The following FRMD4B variants were observed in gnomAD, a reference collection of about 807,000 sequenced individuals.
The protein encoded by FRMD4B is FERM domain-containing protein 4B.
A neutral mutation model predicts 141.5 loss-of-function variants in FRMD4B; 74 were observed. The ratio of observed to expected loss-of-function variants is 0.52; its 90% CI spans 0.43 to 0.63. FRMD4B has a LOEUF of 0.63. Ranked by LOEUF, FRMD4B falls within the 30% of genes least tolerant of loss-of-function variation. FRMD4B has a pLI of 0.00. For synonymous variants in FRMD4B, 506 were observed against 467.9 expected (o/e 1.08, Z -1.05); for missense variants, 1,366 against 1,253.4 (o/e 1.09, Z -1.36).
rs541259572 is a variant in FRMD4B, at chr3:69,211,023, GAAAAAAAAA to G, written c.876+5231_876+5239del. 4.7e-5 allele frequency among the ~76,000 whole-genome samples: 4 copies of G among 85,836 alleles called. No individual in the cohort carries two copies. The Admixed American group carries it at 6.9e-4, about 15-fold the overall frequency. 56.3% of individuals were successfully genotyped at this position (85,836 alleles called of 152,430 possible). A position where few individuals can be genotyped will look rare whatever the true frequency, so the allele number is the denominator to read the frequency against. ...ACAAGAGTGAGTGAAATGCCATCTC[GAAAAAAAAA>G]AAAAAAAAGAAAGAAAATTTGAGAG... On this transcript the variant is annotated intron_variant, in intron 11 of 22. Coordinates refer to ENST00000398540, the MANE Select transcript of FRMD4B (RefSeq NM_015123.3).
chr3:69,179,465 T>C (rs186244532), intron 21 of FRMD4B, among the ~76,000 whole-genome samples: 78 of 152,276 alleles, frequency 5.1e-4, no homozygotes, highest in African/African-American at 1.6e-3. Context: ...GTCAGAGCCA[T>C]AAATAAGAAA....
chr3:69,431,387 G>C (rs1016705752), intron 2 of FRMD4B, among the ~76,000 whole-genome samples: 23 of 152,152 alleles, frequency 1.5e-4, no homozygotes, highest in African/African-American at 5.3e-4. Flanking sequence ...TGCTTGAACA[G>C]TACAAATATG....
chr3:69,511,954 G>C (rs900243150), intron 1 of FRMD4B, among the ~76,000 whole-genome samples: 2 of 152,120 alleles, frequency 1.3e-5, no homozygotes, highest in Non-Finnish European at 2.9e-5. Flanking sequence ...TCCTGGAGGG[G>C]GCAATAAATG....
At chr3:69,540,638 T>A (rs57166370) in intron 1 of FRMD4B, among the ~76,000 whole-genome samples, 5,483 of 48,590 alleles carry the variant, frequency 0.11, 287 homozygotes, top group Non-Finnish European at 0.13. Context: ...AAAAAAAAAA[T>A]ATATATATAT....
At chr3:69,421,806 C>A (rs962056417) in intron 2 of FRMD4B, among the ~76,000 whole-genome samples, 3 of 152,126 alleles carry the variant, frequency 2.0e-5, no homozygotes, top group Non-Finnish European at 4.4e-5. Flanking sequence ...CTTGGATAGC[C>A]CTGGCCTAAG....
intron 1 of FRMD4B, among the ~76,000 whole-genome samples, chr3:69,471,057 T>C (rs910531317): frequency 2.6e-5 from 4 of 152,186 alleles, no homozygotes; most frequent in African/African-American, 7.2e-5. Context: ...TGTTAAGAAA[T>C]TGCCCATGGC....
chr3:69,374,701 T>A (rs558408167), intron 1 of FRMD4B, among the ~76,000 whole-genome samples: 83 of 152,224 alleles, frequency 5.5e-4, no homozygotes, highest in Non-Finnish European at 1.1e-3. Context: ...GCATGTTTGC[T>A]TTTCTAGTAT....
intron 22 of FRMD4B, among the ~76,000 whole-genome samples, chr3:69,174,821 G>A (rs1046488799): frequency 6.6e-6 from 1 of 152,052 alleles, no homozygotes; most frequent in South Asian, 2.1e-4. Flanking sequence ...ACACAAACAC[G>A]AAAATAATTT....
intron 2 of FRMD4B, among the ~76,000 whole-genome samples, chr3:69,430,284 C>T (rs1177405014): frequency 6.6e-6 from 1 of 152,180 alleles, no homozygotes. Context: ...CAATCCAGCA[C>T]CTCAAGGGTA....
At chr3:69,230,271 C>T (rs904376980) in intron 7 of FRMD4B, among the ~76,000 whole-genome samples, 6 of 152,022 alleles carry the variant, frequency 3.9e-5, no homozygotes, top group Non-Finnish European at 7.4e-5. Flanking sequence ...CCACCTCGTC[C>T]GGCGACTATC....
chr3:69,369,621 C>T (rs1703769039), intron 1 of FRMD4B, among the ~76,000 whole-genome samples: 1 of 152,126 alleles, frequency 6.6e-6, no homozygotes, highest in African/African-American at 2.4e-5. Flanking sequence ...AAAAAAATCT[C>T]ATTCCCAAAA....
intron 1 of FRMD4B, among the ~76,000 whole-genome samples, chr3:69,358,765 G>T (rs1251232422): frequency 6.6e-6 from 1 of 152,118 alleles, no homozygotes; most frequent in Non-Finnish European, 1.5e-5. Flanking sequence ...AACAAAAAAA[G>T]AAGTGGGACC....
chr3:69,429,033 A>G (rs1705132171), intron 2 of FRMD4B, among the ~76,000 whole-genome samples: 1 of 152,194 alleles, frequency 6.6e-6, no homozygotes, highest in South Asian at 2.1e-4. Flanking sequence ...ATTTCATAAT[A>G]CACACCATTT....
intron 5 of FRMD4B, among the ~76,000 whole-genome samples, chr3:69,274,445 G>C (rs950784526): frequency 3.3e-5 from 5 of 152,144 alleles, no homozygotes; most frequent in Admixed American, 2.6e-4. Flanking sequence ...AGGGGAGATG[G>C]CTAAGTCTTG....
Position 69,311,375 on chromosome 3 carries a change from T to C in FRMD4B, c.229-18A>G. 8 of 1,405,834 alleles carry C rather than the reference T, an allele frequency of 5.7e-6. No individual in the cohort carries two copies. The highest frequency in any genetic ancestry group is 7.0e-6 in the Non-Finnish European group (7 of 994,340). The allele number at this position is 1,405,834 out of a possible 1,614,324, so 87.1% of individuals were successfully genotyped here. On this transcript the variant is annotated intron_variant, in intron 2 of 22. Coordinates refer to ENST00000398540, the MANE Select transcript of FRMD4B (RefSeq NM_015123.3). The stretch of plus-strand genomic sequence containing the variant: ...AGTTTGGGCTGTCAAAATAAAAATC[T>C]GGTTAGAAGCAATTTGGTTGCCTCT...
At chr3:69,224,504 T>G in intron 8 of FRMD4B, 103 bp downstream of exon 8, 1 of 704,142 alleles carries the variant, frequency 1.4e-6, no homozygotes, top group Non-Finnish European at 2.6e-6. Flanking sequence ...TGATTGGCAA[T>G]GTGATATTTT....
intron 1 of FRMD4B, among the ~76,000 whole-genome samples, chr3:69,382,953 C>A (rs976180929): frequency 6.6e-6 from 1 of 152,064 alleles, no homozygotes; most frequent in South Asian, 2.1e-4. Context: ...TGACAAAAGT[C>A]ATTTCTTTTT....
intron 7 of FRMD4B, among the ~76,000 whole-genome samples, chr3:69,248,868 C>T (rs753061805): frequency 6.6e-6 from 1 of 152,232 alleles, no homozygotes; most frequent in Non-Finnish European, 1.5e-5. Context: ...TCTTTTTGTG[C>T]ATACATTATA....
chr3:69,482,265 A>AAAT (rs36112899), intron 1 of FRMD4B, among the ~76,000 whole-genome samples: 3,802 of 152,258 alleles, frequency 0.025, 177 homozygotes, highest in African/African-American at 0.086. Flanking sequence ...AGTATTTAAA[A>AAAT]AATAACCCTA....
Sources: gnomAD v4.1 joint callset for allele counts (sites outside exome capture counted in the v4.1 genomes callset) on GRCh38, gnomAD v4.1.1 for gene constraint, MANE v1.5 for transcripts, NCBI Gene and HGNC (gene_info 2026-07-23, HGNC 2026-07-21) for gene names.